Variants in PDE1C observed in about 807,000 individuals in gnomAD.
The protein encoded by PDE1C is dual specificity calcium/calmodulin-dependent 3',5'-cyclic nucleotide phosphodiesterase 1C.
PDE1C carries 62 observed loss-of-function variants against 93.1 expected under a neutral mutation model. The ratio of observed to expected loss-of-function variants is 0.67; its 90% CI spans 0.54 to 0.82. The LOEUF is 0.82. Ranked by LOEUF, PDE1C falls within the 40% of genes least tolerant of loss-of-function variation. PDE1C has a pLI of 0.00. For missense variants in PDE1C, 742 were observed against 884.6 expected (o/e 0.84, Z 2.04); for synonymous variants, 325 against 310.1 (o/e 1.05, Z -0.50).
chr7:31,647,963 G>A, the PDE1C span, among the ~76,000 whole-genome samples: 2 of 151,832 alleles, frequency 1.3e-5, no homozygotes, highest in African/African-American at 4.8e-5. Context: ...GCAATAATTT[G>A]TTAATTCAAA....
intron 1 of PDE1C, among the ~76,000 whole-genome samples, chr7:32,374,819 G>A (rs76949995): frequency 0.054 from 8,267 of 152,250 alleles, 262 homozygotes; most frequent in Non-Finnish European, 0.072. Context: ...AAGATGTTCT[G>A]AATCTCTGAT....
chr7:31,637,780 C>T, the PDE1C span, among the ~76,000 whole-genome samples: 4 of 152,166 alleles, frequency 2.6e-5, no homozygotes, highest in African/African-American at 7.2e-5. Context: ...GTTGCCATTG[C>T]TTTTAGTGTT....
At chr7:31,963,382 A>C (rs757419433) in intron 2 of PDE1C, among the ~76,000 whole-genome samples, 1 of 152,184 alleles carries the variant, frequency 6.6e-6, no homozygotes, top group Non-Finnish European at 1.5e-5. Flanking sequence ...AATGATTTTC[A>C]TCTTAAAAAA....
Position 31,775,742 on chromosome 7 carries a change from G to A in PDE1C, c.1892-10C>T, listed in dbSNP as rs776913961. 6.8e-6 allele frequency: 11 copies of A among 1,610,396 alleles called. No individual in the cohort carries two copies. The highest frequency in any genetic ancestry group is 4.5e-5 in the East Asian group (2 of 44,854). On this transcript the variant is annotated splice_polypyrimidine_tract_variant and intron_variant, in intron 16 of 17. Coordinates refer to ENST00000396191, the MANE Select transcript of PDE1C (RefSeq NM_001191057.4). The stretch of plus-strand genomic sequence containing the variant: ...GAACGCTGTTTTGTGCCTGTGAAGA[G>A]GAAAAAGAGGATAAGGAAAAGTAGG...
intron 1 of PDE1C, among the ~76,000 whole-genome samples, chr7:32,378,427 C>T (rs1784470877): frequency 1.3e-5 from 2 of 152,036 alleles, no homozygotes; most frequent in Non-Finnish European, 2.9e-5. Flanking sequence ...ATTATAATAC[C>T]CCTTCCCCAA....
chr7:31,626,185 T>C, the PDE1C span, among the ~76,000 whole-genome samples: 1 of 152,222 alleles, frequency 6.6e-6, no homozygotes, highest in Non-Finnish European at 1.5e-5. Flanking sequence ...TCTTTGGGCT[T>C]TCTTTTTGTA....
rs1022216960 is a variant in PDE1C, at chr7:32,416,532, AT to A, written c.310+11289del. On this transcript the variant is annotated intron_variant, in intron 1 of 1. Transcript: ENST00000672256. ...TGACATGGTGGTTTTAATGTGGCCAATTTTTTTTTAAACTTGTGATTAAACT... is the reference window on the plus strand; with the variant it reads ...TGACATGGTGGTTTTAATGTGGCCAATTTTTTTTAAACTTGTGATTAAACT... 5.7e-4 allele frequency among the ~76,000 whole-genome samples: 87 copies of A among 151,858 alleles called. 3 individuals carry two copies. Among genetic ancestry groups the A allele is most frequent in the Admixed American group, 4.1e-3 (62 of 15,250 alleles).
chr7:31,728,234 G>A, the PDE1C span, among the ~76,000 whole-genome samples: 18 of 152,084 alleles, frequency 1.2e-4, no homozygotes, highest in African/African-American at 2.9e-4. Context: ...CTTTGGGTGC[G>A]TAGGTCCTGT....
chr7:31,939,878 C>T (rs2128996849), intron 2 of PDE1C, among the ~76,000 whole-genome samples: 1 of 152,224 alleles, frequency 6.6e-6, no homozygotes, highest in Non-Finnish European at 1.5e-5. Context: ...TCAGGGCCAA[C>T]TGAGAGTCTT....
intron 1 of PDE1C, among the ~76,000 whole-genome samples, chr7:32,305,176 C>T (rs2128903021): frequency 6.6e-6 from 1 of 152,348 alleles, no homozygotes; most frequent in African/African-American, 2.4e-5. Flanking sequence ...CCATCACCCT[C>T]CCCATTCCAT....
At chr7:32,109,373 A>G (rs2128754485) in intron 3 of PDE1C, among the ~76,000 whole-genome samples, 2 of 152,294 alleles carry the variant, frequency 1.3e-5, no homozygotes, top group Admixed American at 1.3e-4. Flanking sequence ...GCAAAATAGA[A>G]TCTATTTTTG....
chr7:32,171,159 C>A lies in PDE1C; in HGVS notation c.137-1203G>T, dbSNP rs1480134017. Among the ~76,000 whole-genome samples the A allele has an allele frequency of 2.0e-5, 3 of 152,170 alleles. No homozygotes were observed. The East Asian group carries it at 5.8e-4, about 29-fold the overall frequency. On this transcript the variant is annotated intron_variant, in intron 2 of 18. Coordinates refer to the PDE1C transcript ENST00000396193. ...CTGGGAACTGTGGGTAATAAATTAT[C>A]TTTACAATGGCATTTGTCTCCTTAT...
intron 1 of PDE1C, among the ~76,000 whole-genome samples, chr7:32,377,309 C>A (rs971763066): frequency 6.6e-6 from 1 of 152,198 alleles, no homozygotes; most frequent in Non-Finnish European, 1.5e-5. Context: ...AGCATTGATG[C>A]TTCCCTCTGT....
chr7:32,249,768 A>G (rs1262689374), intron 1 of PDE1C, among the ~76,000 whole-genome samples: 1 of 152,206 alleles, frequency 6.6e-6, no homozygotes, highest in Non-Finnish European at 1.5e-5. Context: ...AAATAAGTCA[A>G]TCATCACGTC....
intron 11 of PDE1C, among the ~76,000 whole-genome samples, 185 bp from the exon 12 acceptor site, chr7:31,828,558 T>G (rs1183574094): frequency 3.3e-5 from 5 of 152,190 alleles, no homozygotes; most frequent in Non-Finnish European, 5.9e-5. Context: ...TGAAGCCCTC[T>G]GGGATCCAAT....
chr7:31,869,356 C>CTATA (rs1424842506), intron 6 of PDE1C, among the ~76,000 whole-genome samples: 1 of 152,042 alleles, frequency 6.6e-6, no homozygotes, highest in Non-Finnish European at 1.5e-5. Flanking sequence ...CATGACCCAA[C>CTATA]TATATGTCGC....
rs867241593 is a variant in PDE1C at position 31,797,075 on chromosome 7, T to C, written c.1891+11956A>G. Among the ~76,000 whole-genome samples, 4 of 151,854 alleles carry C rather than the reference T, an allele frequency of 2.6e-5. No homozygotes were observed. The Middle Eastern group carries it at 0.01, about 387-fold the overall frequency. On this transcript the variant is annotated intron_variant, in intron 16 of 17. Transcript: ENST00000396191. ...GCTTTAGAAAACACCTGCTAAACCATGGCATTTCCTTACTATTAATGTTCC... is the reference window on the plus strand; with the variant it reads ...GCTTTAGAAAACACCTGCTAAACCACGGCATTTCCTTACTATTAATGTTCC...
intron 1 of PDE1C, among the ~76,000 whole-genome samples, chr7:32,314,413 G>T (rs1336167906): frequency 6.6e-6 from 1 of 152,150 alleles, no homozygotes; most frequent in Non-Finnish European, 1.5e-5. Context: ...TCCTGATGAG[G>T]ATTTGGGGAA....
intron 3 of PDE1C, among the ~76,000 whole-genome samples, chr7:32,133,578 C>T (rs977183030): frequency 2.0e-5 from 3 of 152,174 alleles, no homozygotes; most frequent in Admixed American, 6.5e-5. Context: ...GACCCCTTCA[C>T]TTGCAGCTCT....
Sources: allele counts gnomAD v4.1 joint callset (sites outside exome capture counted in the v4.1 genomes callset), GRCh38; gene constraint gnomAD v4.1.1; transcripts MANE v1.5; gene names NCBI Gene and HGNC (gene_info 2026-07-23, HGNC 2026-07-21).